RARB: variants seen among roughly 807,000 people sequenced by gnomAD.
RARB encodes HBV-activated protein.
A neutral mutation model predicts 51.9 loss-of-function variants in RARB; 17 were observed. The observed-to-expected ratio is 0.33, with a 90% CI of 0.22 to 0.49. The LOEUF (loss-of-function observed/expected upper bound fraction) is 0.49. RARB is among the 20% of genes least tolerant of loss of function. The pLI, the probability that RARB is intolerant of heterozygous loss-of-function variation, is 0.99. For synonymous variants in RARB, 215 were observed against 195.4 expected (o/e 1.10, Z -0.84); for missense variants, 369 against 550.8 (o/e 0.67, Z 3.30).
intron 5 of RARB, among the ~76,000 whole-genome samples, chr3:25,343,359 T>C (rs1356770310): frequency 6.6e-6 from 1 of 152,094 alleles, no homozygotes; most frequent in Non-Finnish European, 1.5e-5. Context: ...ACACTTACAG[T>C]TTTCTCCCCC....
intron 5 of RARB, among the ~76,000 whole-genome samples, chr3:25,302,428 TA>T (rs886466441): frequency 4.7e-4 from 71 of 151,936 alleles, no homozygotes; most frequent in East Asian, 1.4e-3. Flanking sequence ...TATTCAGCCA[TA>T]AAAAAAATGA....
intron 3 of RARB, among the ~76,000 whole-genome samples, chr3:25,514,409 A>C (rs1203276430): frequency 6.6e-6 from 1 of 152,208 alleles, no homozygotes; most frequent in Non-Finnish European, 1.5e-5. Flanking sequence ...CAAGCAAAGC[A>C]AACACCCTGT....
intron 5 of RARB, among the ~76,000 whole-genome samples, chr3:25,333,910 A>C (rs1009862286): frequency 6.6e-6 from 1 of 152,236 alleles, no homozygotes; most frequent in Non-Finnish European, 1.5e-5. Context: ...TTATGCAGCC[A>C]ACAGACACAT....
chr3:24,857,014 G>T (rs1253421986), intron 1 of RARB, among the ~76,000 whole-genome samples: 1 of 152,142 alleles, frequency 6.6e-6, no homozygotes, highest in East Asian at 1.9e-4. Flanking sequence ...AGCTGCACCT[G>T]ATAGTTCACG....
chr3:25,505,439 A>C (rs1697535073), intron 3 of RARB, among the ~76,000 whole-genome samples: 1 of 152,222 alleles, frequency 6.6e-6, no homozygotes, highest in Non-Finnish European at 1.5e-5. Context: ...AATCATGTGC[A>C]AATTTAATTT....
chr3:24,978,160 T>G (rs1432970653), intron 2 of RARB, among the ~76,000 whole-genome samples: 1 of 152,214 alleles, frequency 6.6e-6, no homozygotes, highest in Non-Finnish European at 1.5e-5. Context: ...TGCCAGTATT[T>G]TATTGAGGAT....
At chr3:25,161,178 AATT>A (rs72136020) in intron 4 of RARB, among the ~76,000 whole-genome samples, 20,978 of 142,086 alleles carry the variant, frequency 0.15, 1,700 homozygotes, top group Non-Finnish European at 0.2. Context: ...ATGCCCAGCT[AATT>A]ATTATTATTA....
chr3:25,319,015 G>A (rs776265941), intron 5 of RARB, among the ~76,000 whole-genome samples: 3 of 152,110 alleles, frequency 2.0e-5, no homozygotes, highest in Non-Finnish European at 2.9e-5. Flanking sequence ...TTAAGAAGAC[G>A]TAATTTAGCT....
intron 3 of RARB, among the ~76,000 whole-genome samples, chr3:25,102,882 T>C (rs1010317463): frequency 6.6e-6 from 1 of 152,110 alleles, no homozygotes; most frequent in Non-Finnish European, 1.5e-5. Context: ...TAAAACCCCA[T>C]CTCTACTAAA....
At chr3:25,471,469 A>G (rs149282817) in intron 2 of RARB, among the ~76,000 whole-genome samples, 2 of 152,202 alleles carry the variant, frequency 1.3e-5, no homozygotes, top group African/African-American at 4.8e-5. Flanking sequence ...TCTTCTAACA[A>G]ATTGAGAACT....
rs1433792872 is a variant in RARB, at chr3:25,001,512, A to G, written c.-379-58613A>G. Reference sequence around the variant, plus strand: ...AATGCGGGACTGGTGGGAGAGATCCATTTTACAGGCTGATGTTGGCAAGCC... The same window carrying G: ...AATGCGGGACTGGTGGGAGAGATCCGTTTTACAGGCTGATGTTGGCAAGCC... On this transcript the variant is annotated intron_variant, in intron 2 of 11. Coordinates refer to the RARB transcript ENST00000383772. Among the ~76,000 whole-genome samples the G allele has an allele frequency of 4.6e-5, 7 of 152,002 alleles. 1 individual carries two copies. The highest frequency in any genetic ancestry group is 1.3e-4 in the Admixed American group (2 of 15,264).
At chr3:25,590,175 A>G (rs1251776239) in intron 5 of RARB, among the ~76,000 whole-genome samples, 1 of 152,236 alleles carries the variant, frequency 6.6e-6, no homozygotes, top group Non-Finnish European at 1.5e-5. Flanking sequence ...CTAGGAAGAG[A>G]GGCAACAGAA....
chr3:25,380,852 C>A (rs1471819906), intron 5 of RARB, among the ~76,000 whole-genome samples: 2 of 152,092 alleles, frequency 1.3e-5, no homozygotes, highest in East Asian at 3.9e-4. Context: ...TTTTATATTT[C>A]TATTTTCTCA....
At position 25,021,011 on chromosome 3, in the gene RARB, T is replaced by G. The variant is rs138872735; in HGVS notation, c.-379-39114T>G. ...AATATTTTAGATTTTTCTAGTGGCA[T>G]CATTTTACTTGGATTCAAAAAGTGG... On this transcript the variant is annotated intron_variant, in intron 2 of 11. Coordinates refer to the RARB transcript ENST00000383772. Among the ~76,000 whole-genome samples the G allele has an allele frequency of 2.2e-3, 328 of 152,274 alleles. 2 individuals carry two copies. Among genetic ancestry groups the G allele is most frequent in the African/African-American group, 7.3e-3 (304 of 41,566 alleles).
At chr3:25,071,751 G>C (rs1194415564) in intron 3 of RARB, among the ~76,000 whole-genome samples, 1 of 152,206 alleles carries the variant, frequency 6.6e-6, no homozygotes, top group African/African-American at 2.4e-5. Context: ...GGTATAAGGA[G>C]AGGCGCTGCT....
At chr3:25,532,508 C>T (rs907130884) in intron 3 of RARB, among the ~76,000 whole-genome samples, 8 of 152,264 alleles carry the variant, frequency 5.3e-5, no homozygotes, top group Non-Finnish European at 8.8e-5. Flanking sequence ...AAGCAAAAGA[C>T]GGAAGAGTAT....
intron 5 of RARB, among the ~76,000 whole-genome samples, chr3:25,228,170 G>C (rs1277349301): frequency 6.8e-6 from 1 of 147,604 alleles, no homozygotes; most frequent in Non-Finnish European, 1.5e-5. Flanking sequence ...TGCAGATACA[G>C]AACTTCCTTT....
At chr3:24,862,067 A>G (rs565885986) in intron 2 of RARB, among the ~76,000 whole-genome samples, 1 of 152,340 alleles carries the variant, frequency 6.6e-6, no homozygotes, top group African/African-American at 2.4e-5. Context: ...TCTGTAAGCT[A>G]ACATTTCCAA....
At chr3:24,873,281 C>T (rs1003871718) in intron 2 of RARB, among the ~76,000 whole-genome samples, 6 of 152,130 alleles carry the variant, frequency 3.9e-5, no homozygotes, top group Admixed American at 1.3e-4. Context: ...ACTTTTTCTT[C>T]CCTTTCATTA....
Sources: gnomAD v4.1 joint callset for allele counts (sites outside exome capture counted in the v4.1 genomes callset) on GRCh38, gnomAD v4.1.1 for gene constraint, MANE v1.5 for transcripts, NCBI Gene and HGNC (gene_info 2026-07-23, HGNC 2026-07-21) for gene names.